The following SH3GL2 variants were observed in gnomAD, a reference collection of about 807,000 sequenced individuals.
The protein encoded by SH3GL2 is endophilin-A1.
In SH3GL2, 24 loss-of-function variants were observed where a neutral mutation model predicts 46.0. That is an observed-to-expected ratio of 0.52 (90% CI 0.38 to 0.73). The LOEUF is 0.73. Ranked by LOEUF, SH3GL2 falls within the 30% of genes least tolerant of loss-of-function variation. SH3GL2 has a pLI of 0.00. For synonymous variants in SH3GL2, 196 were observed against 147.1 expected (o/e 1.33, Z -2.40); for missense variants, 413 against 424.2 (o/e 0.97, Z 0.23).
chr9:17,793,928 G>T (rs1206217284), intron 8 of SH3GL2, among the ~76,000 whole-genome samples: 3 of 152,228 alleles, frequency 2.0e-5, no homozygotes, highest in African/African-American at 7.2e-5. Context: ...ATAACCCACA[G>T]ACAGCAAGCG....
chr9:17,713,145 T>G (rs948090198), intron 1 of SH3GL2, among the ~76,000 whole-genome samples: 15 of 151,528 alleles, frequency 9.9e-5, no homozygotes, highest in African/African-American at 2.9e-4. Context: ...TAGTTTTCCT[T>G]TTTAGTTTTT....
At chr9:17,675,064 G>C (rs1448927850) in intron 1 of SH3GL2, among the ~76,000 whole-genome samples, 2 of 152,200 alleles carry the variant, frequency 1.3e-5, no homozygotes, top group Non-Finnish European at 2.9e-5. Flanking sequence ...TACCTTACTA[G>C]AACTGAATTG....
Position 17,793,411 on chromosome 9 carries a change from A to G in SH3GL2, c.773A>G (p.Lys258Arg). 1 of 1,612,972 alleles carries G rather than the reference A, an allele frequency of 6.2e-7. No individual in the cohort carries two copies. The highest frequency in any genetic ancestry group is 8.5e-7 in the Non-Finnish European group (1 of 1,179,508). ...SSQPRREYQP[K>R]PRMSLEFPTG... is the part of the protein sequence containing the mutation. ...CAGCCTAGAAGGGAATATCAACCTA[A>G]ACCACGAATGAGCCTGGAGTTTCCA... The change falls in exon 8 of 9, where the codon AAA (lysine) becomes AGA (arginine). Residue 258 changes from lysine to arginine, a missense_variant. This residue lies in a region of SH3GL2 where 248 missense variants were observed against 215.0 expected (regional missense o/e 1.15). Transcript: ENST00000380607.
At chr9:17,763,860 A>G (rs963021460) in intron 3 of SH3GL2, among the ~76,000 whole-genome samples, 1 of 152,180 alleles carries the variant, frequency 6.6e-6, no homozygotes, top group Non-Finnish European at 1.5e-5. Flanking sequence ...ACGTTGCACG[A>G]TCCTGCCTCT....
intron 1 of SH3GL2, among the ~76,000 whole-genome samples, chr9:17,712,090 T>A (rs1588264606): frequency 6.6e-6 from 1 of 151,898 alleles, no homozygotes; most frequent in East Asian, 1.9e-4. Context: ...TTTTATGTGC[T>A]TTTTTTGCTA....
At chr9:17,793,261 G>T in intron 7 of SH3GL2, 106 bp from the exon 8 acceptor site, 1 of 968,472 alleles carries the variant, frequency 1.0e-6, no homozygotes. Flanking sequence ...CTTCATCATG[G>T]TAGCATGGTG....
At chr9:17,775,454 C>T (rs922209919) in intron 3 of SH3GL2, among the ~76,000 whole-genome samples, 1 of 152,132 alleles carries the variant, frequency 6.6e-6, no homozygotes, top group Non-Finnish European at 1.5e-5. Context: ...TTTTGCAAGG[C>T]TGGATGATGT....
intron 1 of SH3GL2, among the ~76,000 whole-genome samples, chr9:17,665,929 A>T (rs935897849): frequency 6.7e-6 from 1 of 149,070 alleles, no homozygotes; most frequent in African/African-American, 2.5e-5. Flanking sequence ...CTTTATACTG[A>T]TATGTTCAAT....
chr9:17,611,882 A>G (rs1279465114), intron 1 of SH3GL2, among the ~76,000 whole-genome samples: 1 of 151,884 alleles, frequency 6.6e-6, no homozygotes, highest in Non-Finnish European at 1.5e-5. Context: ...AATCGTAATG[A>G]CAACTTGCCT....
chr9:17,637,945 A>G (rs1412555350), intron 1 of SH3GL2, among the ~76,000 whole-genome samples: 1 of 152,136 alleles, frequency 6.6e-6, no homozygotes, highest in Non-Finnish European at 1.5e-5. Flanking sequence ...TCACGAGGTC[A>G]GGAGATCGAG....
chr9:17,781,935 C>T (rs1406349954), intron 3 of SH3GL2, among the ~76,000 whole-genome samples: 1 of 152,118 alleles, frequency 6.6e-6, no homozygotes, highest in African/African-American at 2.4e-5. Flanking sequence ...CTCTGCCTCA[C>T]AGCAGTGAGT....
chr9:17,661,022 C>T (rs1399782372), intron 1 of SH3GL2, among the ~76,000 whole-genome samples: 1 of 151,942 alleles, frequency 6.6e-6, no homozygotes, highest in Non-Finnish European at 1.5e-5. Context: ...ATTAGCTGGG[C>T]ACGATGGCAG....
chr9:17,689,998 A>G (rs1259921589), intron 1 of SH3GL2, among the ~76,000 whole-genome samples: 3 of 152,134 alleles, frequency 2.0e-5, no homozygotes, highest in Non-Finnish European at 4.4e-5. Flanking sequence ...ATGTGAATGA[A>G]AGAATTCTCA....
intron 1 of SH3GL2, among the ~76,000 whole-genome samples, chr9:17,693,221 C>T (rs1236600088): frequency 3.9e-5 from 6 of 152,034 alleles, no homozygotes; most frequent in Non-Finnish European, 5.9e-5. Flanking sequence ...GAGCAGAAAA[C>T]GTTATGTTTG....
chr9:17,667,665 A>G (rs182022857), intron 1 of SH3GL2, among the ~76,000 whole-genome samples: 5 of 152,216 alleles, frequency 3.3e-5, no homozygotes, highest in Admixed American at 1.3e-4. Context: ...TTTTTTTTGC[A>G]TATACCTTGA....
chr9:17,593,334 G>C (rs1818518652), intron 1 of SH3GL2, among the ~76,000 whole-genome samples: 1 of 152,092 alleles, frequency 6.6e-6, no homozygotes, highest in African/African-American at 2.4e-5. Flanking sequence ...TCAACCTGTG[G>C]GATCTGACGC....
At chr9:17,676,837 T>G (rs538710570) in intron 1 of SH3GL2, among the ~76,000 whole-genome samples, 1 of 152,294 alleles carries the variant, frequency 6.6e-6, no homozygotes, top group South Asian at 2.1e-4. Context: ...TTTCTCATCT[T>G]TCTCTAGTTT....
chr9:17,789,085 T>C (rs1401921069), intron 5 of SH3GL2, among the ~76,000 whole-genome samples: 1 of 152,234 alleles, frequency 6.6e-6, no homozygotes, highest in African/African-American at 2.4e-5. Context: ...CCTTCTCTGT[T>C]TCTGTCATGG....
intron 1 of SH3GL2, among the ~76,000 whole-genome samples, chr9:17,644,351 A>T (rs1454551961): frequency 6.6e-6 from 1 of 151,096 alleles, no homozygotes; most frequent in Admixed American, 6.6e-5. Context: ...GATCTTAGTT[A>T]TTTCTTGTTT....
Sources: gnomAD v4.1 joint callset for allele counts (sites outside exome capture counted in the v4.1 genomes callset) on GRCh38, gnomAD v4.1.1 for gene constraint, gnomAD v4.1.1 regional missense constraint, MANE v1.5 for transcripts, NCBI Gene and HGNC (gene_info 2026-07-23, HGNC 2026-07-21) for gene names.